The following S100A8 variants were observed in gnomAD, a reference collection of about 807,000 sequenced individuals.
The protein encoded by S100A8 is S100 calcium binding protein A8.
In S100A8, 1 loss-of-function variant was observed where a neutral mutation model predicts 4.2. The ratio of observed to expected loss-of-function variants is 0.24; its 90% CI spans 0.08 to 1.12. S100A8 has a LOEUF of 1.12. S100A8 is among the 50% of genes most tolerant of loss of function. S100A8 has a pLI of 0.53. For missense variants in S100A8, 96 were observed against 111.8 expected, an observed-to-expected ratio of 0.86 and a Z score of 0.64; for synonymous variants, 41 against 44.7, an observed-to-expected ratio of 0.92 and a Z score of 0.33.
the S100A8 span, among the ~76,000 whole-genome samples, chr1:153,418,532 C>A: frequency 6.6e-6 from 1 of 152,150 alleles, no homozygotes; most frequent in Non-Finnish European, 1.5e-5. Flanking sequence ...AACTCACATG[C>A]TCAGGTCCTG....
At chr1:153,405,033 G>C in the S100A8 span, among the ~76,000 whole-genome samples, 2 of 152,076 alleles carry the variant, frequency 1.3e-5, no homozygotes, top group Admixed American at 6.5e-5. Context: ...AGCCCTTACA[G>C]TGTAAGTCAG....
At chr1:153,412,812 G>T in the S100A8 span, among the ~76,000 whole-genome samples, 6 of 152,086 alleles carry the variant, frequency 3.9e-5, no homozygotes, top group African/African-American at 9.7e-5. Context: ...CCATAAAAAA[G>T]GATGAGTTCA....
the S100A8 span, among the ~76,000 whole-genome samples, chr1:153,405,334 G>A: frequency 6.7e-6 from 1 of 149,602 alleles, no homozygotes; most frequent in Non-Finnish European, 1.5e-5. Context: ...CGACAGGATG[G>A]TGGGTGTTAG....
the S100A8 span, among the ~76,000 whole-genome samples, chr1:153,398,636 T>C: frequency 6.6e-6 from 1 of 152,150 alleles, no homozygotes. Flanking sequence ...CCCTGTCAGA[T>C]CAGCAGTGCT....
the S100A8 span, chr1:153,419,317 C>G: frequency 6.2e-7 from 1 of 1,612,668 alleles, no homozygotes; most frequent in Admixed American, 1.7e-5. Context: ...TGATCCAGCC[C>G]CACCAAGGGG....
At chr1:153,418,714 C>T in the S100A8 span, among the ~76,000 whole-genome samples, 3 of 152,044 alleles carry the variant, frequency 2.0e-5, no homozygotes, top group African/African-American at 7.3e-5. Context: ...GAGTAGGGAA[C>T]CCAGAAGATG....
At chr1:153,413,261 G>A in the S100A8 span, among the ~76,000 whole-genome samples, 1 of 152,206 alleles carries the variant, frequency 6.6e-6, no homozygotes, top group African/African-American at 2.4e-5. Flanking sequence ...GAATGCACGT[G>A]TATATAAATA....
At chr1:153,415,713 CGG>C in the S100A8 span, among the ~76,000 whole-genome samples, 4 of 26,346 alleles carry the variant, frequency 1.5e-4, no homozygotes, top group African/African-American at 4.8e-4. Flanking sequence ...TTCCATGGGG[CGG>C]GGGGGGCGGG....
At chr1:153,404,156 C>T in the S100A8 span, among the ~76,000 whole-genome samples, 1 of 152,164 alleles carries the variant, frequency 6.6e-6, no homozygotes, top group Non-Finnish European at 1.5e-5. Context: ...CATGGAGCTC[C>T]CAGGCCCACT....
chr1:153,417,973 T>C, the S100A8 span: 2 of 1,491,796 alleles, frequency 1.3e-6, no homozygotes, highest in East Asian at 2.3e-5. Flanking sequence ...CTTAGGGCTG[T>C]TTTTACTCTG....
the S100A8 span, among the ~76,000 whole-genome samples, chr1:153,412,771 T>G: frequency 2.0e-5 from 3 of 152,152 alleles, no homozygotes; most frequent in Non-Finnish European, 4.4e-5. Flanking sequence ...TAAGAAAATG[T>G]GGCACATATA....
At chr1:153,417,688 G>A in the S100A8 span, among the ~76,000 whole-genome samples, 1 of 152,216 alleles carries the variant, frequency 6.6e-6, no homozygotes, top group Non-Finnish European at 1.5e-5. Context: ...TGTGAAGCTG[G>A]AGGAGATGGA....
chr1:153,415,185 CGT>C, the S100A8 span, among the ~76,000 whole-genome samples: 559 of 147,734 alleles, frequency 3.8e-3, 1 homozygote, highest in Admixed American at 9.0e-3. Flanking sequence ...TGTGTGTGTG[CGT>C]GTGTGTGTGT....
chr1:153,417,942 A>AC, the S100A8 span: 1 of 1,272,564 alleles, frequency 7.9e-7, no homozygotes, highest in Non-Finnish European at 1.1e-6. Flanking sequence ...ATTTAAAAAA[A>AC]TCAAGTTCCT....
the S100A8 span, among the ~76,000 whole-genome samples, chr1:153,406,068 G>A: frequency 4.6e-5 from 7 of 152,014 alleles, no homozygotes; most frequent in South Asian, 2.1e-4. Flanking sequence ...CCCTCTCACC[G>A]TGGCTCCTGG....
the S100A8 span, among the ~76,000 whole-genome samples, chr1:153,398,186 C>A: frequency 6.6e-6 from 1 of 152,266 alleles, no homozygotes; most frequent in South Asian, 2.1e-4. Context: ...GGATAGACAG[C>A]AGCACCCCAC....
chr1:153,406,294 A>G, the S100A8 span, among the ~76,000 whole-genome samples: 25 of 152,124 alleles, frequency 1.6e-4, no homozygotes, highest in Non-Finnish European at 3.2e-4. Flanking sequence ...CAGCAAACAT[A>G]GCATATGTGT....
chr1:153,418,257 G>C, the S100A8 span: 1 of 1,605,574 alleles, frequency 6.2e-7, no homozygotes, highest in Non-Finnish European at 8.5e-7. Context: ...ATGTTGGTTG[G>C]ACCCTGGCAT....
At chr1:153,396,738 C>G in the S100A8 span, 1 of 152,326 alleles carries the variant, frequency 6.6e-6, no homozygotes, top group African/African-American at 2.4e-5. Flanking sequence ...CCTGGAACAA[C>G]TCTGTGATAT....
Sources: gnomAD v4.1 joint callset for allele counts (sites outside exome capture counted in the v4.1 genomes callset) on GRCh38, gnomAD v4.1.1 for gene constraint, MANE v1.5 for transcripts, NCBI Gene and HGNC (gene_info 2026-07-23, HGNC 2026-07-21) for gene names.